The following C1orf105 variants were observed in gnomAD, a reference collection of about 807,000 sequenced individuals.
The protein encoded by C1orf105 is uncharacterized protein C1orf105.
Under a neutral mutation model 20.8 loss-of-function variants are expected in C1orf105, and 17 were observed. The ratio of observed to expected loss-of-function variants is 0.82; its 90% CI spans 0.56 to 1.23. C1orf105 has a LOEUF of 1.23. Ranked by LOEUF, C1orf105 falls within the 50% of genes most tolerant of loss-of-function variation. The probability of loss-of-function intolerance (pLI) is 0.00; values close to 1 mark genes in which losing one functional copy is unlikely to be tolerated. For missense variants in C1orf105, 219 were observed against 213.5 expected, an observed-to-expected ratio of 1.03 and a Z score of -0.16; for synonymous variants, 72 against 72.1, an observed-to-expected ratio of 1.00 and a Z score of 0.01.
intron 6 of C1orf105, among the ~76,000 whole-genome samples, chr1:172,466,166 C>T: frequency 6.6e-6 from 1 of 152,052 alleles, no homozygotes; most frequent in Admixed American, 6.6e-5. Context: ...GAAAAGATTT[C>T]TAGAAAGGAA....
intron 1 of C1orf105, among the ~76,000 whole-genome samples, chr1:172,439,509 C>T (rs1230939091): frequency 6.6e-6 from 1 of 152,158 alleles, no homozygotes; most frequent in African/African-American, 2.4e-5. Context: ...TATCCCGCAA[C>T]TCTCCGTCTC....
At chr1:172,428,692 T>G in intron 1 of C1orf105, 1 of 594,428 alleles carries the variant, frequency 1.7e-6, no homozygotes, top group South Asian at 2.1e-5. Flanking sequence ...TTTTTCTTTT[T>G]TCCATAGCAC....
At chr1:172,463,883 T>G (rs541290336) in intron 5 of C1orf105, among the ~76,000 whole-genome samples, 1 of 152,216 alleles carries the variant, frequency 6.6e-6, no homozygotes, top group African/African-American at 2.4e-5. Context: ...TTCAGTGTTA[T>G]GGAGGAAAAC....
At chr1:172,440,596 T>C (rs1236028435) in intron 1 of C1orf105, among the ~76,000 whole-genome samples, 1 of 152,154 alleles carries the variant, frequency 6.6e-6, no homozygotes, top group Non-Finnish European at 1.5e-5. Flanking sequence ...CCCAAATTCA[T>C]AGCCCTCAAA....
chr1:172,452,460 A>G (rs1419128777), intron 3 of C1orf105, among the ~76,000 whole-genome samples: 2 of 152,236 alleles, frequency 1.3e-5, no homozygotes, highest in African/African-American at 2.4e-5. Context: ...GCCTGTTTTA[A>G]TCACAAGCTG....
At chr1:172,467,962 G>T (rs1302367203) in intron 6 of C1orf105, among the ~76,000 whole-genome samples, 1 of 152,096 alleles carries the variant, frequency 6.6e-6, no homozygotes, top group African/African-American at 2.4e-5. Flanking sequence ...TGAAACAAAA[G>T]TACTTTCTGT....
At chr1:172,441,714 A>G in intron 1 of C1orf105, 1 of 1,525,614 alleles carries the variant, frequency 6.6e-7, no homozygotes, top group Non-Finnish European at 8.8e-7. Flanking sequence ...TTAATAATGT[A>G]ATGGATGTCC....
chr1:172,453,076 A>G (rs1168152430), intron 3 of C1orf105: 1 of 1,550,690 alleles, frequency 6.4e-7, no homozygotes, highest in South Asian at 1.2e-5. Flanking sequence ...CGTCGCCTTT[A>G]AAGTAGCCTG....
At chr1:172,455,932 G>C (rs1055900924) in intron 3 of C1orf105, among the ~76,000 whole-genome samples, 30 of 152,154 alleles carry the variant, frequency 2.0e-4, no homozygotes, top group African/African-American at 7.0e-4. Context: ...CGATGCTTAG[G>C]AAAGGCCCGT....
Position 172,437,219 on chromosome 1 carries a change from G to C in C1orf105, c.22-7854G>C, listed in dbSNP as rs533641147. 6.8e-4 allele frequency among the ~76,000 whole-genome samples: 103 copies of C among 152,234 alleles called. No homozygotes were observed. In the South Asian group the frequency reaches 8.1e-3, roughly 12 times the overall value. On this transcript the variant is annotated intron_variant, in intron 1 of 6. Transcript: ENST00000367727. ...AGAGCTAGAAATACCATTTGACCCA[G>C]CCATCCCATTACTGGGTATATACCC...
In C1orf105 at chr1:172,421,920, T is replaced by C. The variant is rs75119213; in HGVS notation, c.21+1014T>C. 1.4e-3 allele frequency among the ~76,000 whole-genome samples: 213 copies of C among 152,254 alleles called. 1 individual carries two copies. Among genetic ancestry groups the C allele is most frequent in the African/African-American group, 5.0e-3 (208 of 41,552 alleles). On this transcript the variant is annotated intron_variant, in intron 1 of 6. Transcript: ENST00000367727. ...CGGGGCAGAACTTAGCTGTTGCCAA[T>C]GGAGGGACCATTTAGACCACCCTTA...
At chr1:172,463,364 A>T (rs542521083) in intron 5 of C1orf105, among the ~76,000 whole-genome samples, 105 of 152,352 alleles carry the variant, frequency 6.9e-4, no homozygotes, top group African/African-American at 2.5e-3. Flanking sequence ...TATGTTGCAC[A>T]ATGGTACATG....
At chr1:172,434,842 A>G (rs2071986826) in intron 1 of C1orf105, among the ~76,000 whole-genome samples, 1 of 152,242 alleles carries the variant, frequency 6.6e-6, no homozygotes, top group Non-Finnish European at 1.5e-5. Context: ...CAAAATTGAT[A>G]GACCGCTAGC....
chr1:172,450,737 C>T (rs146414762), intron 3 of C1orf105, among the ~76,000 whole-genome samples: 2,335 of 152,342 alleles, frequency 0.015, 22 homozygotes, highest in Middle Eastern at 0.027. Context: ...AGCCCCGTGC[C>T]TGAGGCAGGT....
chr1:172,429,402 G>A (rs543994668), intron 1 of C1orf105, among the ~76,000 whole-genome samples: 2 of 152,274 alleles, frequency 1.3e-5, no homozygotes, highest in South Asian at 4.1e-4. Flanking sequence ...CATTAATTCA[G>A]GTGTAGTTAT....
intron 1 of C1orf105, among the ~76,000 whole-genome samples, chr1:172,422,923 G>A (rs1478585133): frequency 2.0e-5 from 3 of 152,160 alleles, no homozygotes. Flanking sequence ...AGGAAAGGGT[G>A]GGAAGGACTT....
Position 172,425,028 on chromosome 1 carries a change from G to T in C1orf105, c.21+4122G>T, listed in dbSNP as rs550088352. On this transcript the variant is annotated intron_variant, in intron 1 of 6. Coordinates refer to ENST00000367727, the MANE Select transcript of C1orf105 (RefSeq NM_139240.4). ...TTTCGTGGGAGCCTGAGGGACCTCA[G>T]CATTGGTAAAATCAATTTGTTCCAT... Among the ~76,000 whole-genome samples, 5 of 152,304 alleles carry T rather than the reference G, an allele frequency of 3.3e-5. No homozygotes were observed. The East Asian group carries it at 7.7e-4, about 24-fold the overall frequency.
intron 1 of C1orf105, among the ~76,000 whole-genome samples, chr1:172,435,764 AG>A (rs1302499915): frequency 6.6e-6 from 1 of 152,238 alleles, no homozygotes; most frequent in African/African-American, 2.4e-5. Flanking sequence ...GCCAAGAGAA[AG>A]AAATAAAGGG....
At chr1:172,465,226 T>C (rs1372341741) in intron 5 of C1orf105, 73 bp from the exon 6 acceptor site, 1 of 703,128 alleles carries the variant, frequency 1.4e-6, no homozygotes, top group Non-Finnish European at 2.2e-6. Context: ...AAAATAAAAA[T>C]GTATAAAGGC....
Sources: allele counts gnomAD v4.1 joint callset (sites outside exome capture counted in the v4.1 genomes callset), GRCh38; gene constraint gnomAD v4.1.1; transcripts MANE v1.5; gene names NCBI Gene and HGNC (gene_info 2026-07-23, HGNC 2026-07-21).